Variants in ZSCAN30 observed in about 807,000 individuals in gnomAD.
The protein encoded by ZSCAN30 is zinc finger and SCAN domain containing 30.
ZSCAN30 carries 37 observed loss-of-function variants against 44.3 expected under a neutral mutation model. The ratio of observed to expected loss-of-function variants is 0.84; its 90% CI spans 0.64 to 1.10. The LOEUF is 1.10. Among genes scored for constraint, ZSCAN30 ranks in the 50% least tolerant of loss-of-function variants. The pLI is 0.00. For missense variants in ZSCAN30, 549 were observed against 582.6 expected, an observed-to-expected ratio of 0.94 and a Z score of 0.59; for synonymous variants, 181 against 204.6, an observed-to-expected ratio of 0.88 and a Z score of 0.98.
intron 1 of ZSCAN30, chr18:35,289,342 T>A (rs1488606567): frequency 2.6e-5 from 4 of 152,146 alleles, no homozygotes; most frequent in Admixed American, 1.3e-4. Flanking sequence ...AGTTCCCACA[T>A]CTCTTTCCTC....
At chr18:35,280,061 A>G (rs1489631398) in intron 1 of ZSCAN30, among the ~76,000 whole-genome samples, 2 of 152,112 alleles carry the variant, frequency 1.3e-5, no homozygotes, top group Non-Finnish European at 2.9e-5. Context: ...AGACTGATTG[A>G]GCCCAGGAGT....
In ZSCAN30 at chr18:35,272,965, T is replaced by C. The variant is rs1157415047; in HGVS notation, c.-103-8510A>G. Among the ~76,000 whole-genome samples, 3 of 152,178 alleles carry C rather than the reference T, an allele frequency of 2.0e-5. No individual in the cohort carries two copies. In the South Asian group the frequency reaches 6.2e-4, roughly 31 times the overall value. On this transcript the variant is annotated intron_variant, in intron 1 of 3. Transcript: ENST00000333206. ...CTTATTCACTTCCACGAGAACAGTA[T>C]GAGGGAAACCACCCCCATGATTTAA... is the stretch of plus-strand genomic sequence containing the variant.
At chr18:35,255,100 T>C (rs1201683568) in intron 3 of ZSCAN30, 9 of 151,830 alleles carry the variant, frequency 5.9e-5, no homozygotes, top group Admixed American at 5.9e-4. Context: ...AATGTATAAG[T>C]ATCAAAGAAG....
intron 1 of ZSCAN30, chr18:35,289,686 A>G (rs994086178): frequency 2.6e-5 from 4 of 152,098 alleles, no homozygotes; most frequent in African/African-American, 9.7e-5. Flanking sequence ...CCTTAAATAG[A>G]CCTCGTACCC....
At chr18:35,285,985 A>C (rs1598658963) in intron 1 of ZSCAN30, among the ~76,000 whole-genome samples, 1 of 152,306 alleles carries the variant, frequency 6.6e-6, no homozygotes, top group South Asian at 2.1e-4. Context: ...GAAGATACAA[A>C]TTACTAATAG....
At chr18:35,285,995 G>A (rs2044542823) in intron 1 of ZSCAN30, among the ~76,000 whole-genome samples, 1 of 152,086 alleles carries the variant, frequency 6.6e-6, no homozygotes, top group South Asian at 2.1e-4. Flanking sequence ...ATTACTAATA[G>A]CAAGAATGAA....
Position 35,264,011 on chromosome 18 carries a change from C to G in ZSCAN30, c.342G>C (p.Glu114Asp). Residue 114 changes from glutamate (E) to aspartate (D), a missense_variant, in exon 2 of 4, where the codon GAG (glutamate) becomes GAC (aspartate). Glu to Asp is a conservative substitution (Grantham distance 45, BLOSUM62 2). Transcript: ENST00000333206. Reference sequence around the variant, plus strand: ...GCATAGTCACAGCTTCCTCTCCATTCTCTGGCCGATGCTCTCGCAGCCAAG... The same window carrying G: ...GCATAGTCACAGCTTCCTCTCCATTGTCTGGCCGATGCTCTCGCAGCCAAG... ...LQAWLREHRP[E>D]NGEEAVTMLE... The G allele has an allele frequency of 6.2e-7, 1 of 1,614,244 alleles. No homozygotes were observed. Among genetic ancestry groups the G allele is most frequent in the Non-Finnish European group, 8.5e-7 (1 of 1,180,048 alleles).
At chr18:35,268,600 C>T (rs1206034304) in intron 1 of ZSCAN30, 1 of 152,144 alleles carries the variant, frequency 6.6e-6, no homozygotes, top group African/African-American at 2.4e-5. Context: ...AACACTGTTG[C>T]TTTGCTGCAG....
intron 3 of ZSCAN30, chr18:35,259,062 C>A (rs1293951873): frequency 6.5e-6 from 1 of 153,382 alleles, no homozygotes; most frequent in Non-Finnish European, 1.5e-5. Context: ...GTTTCCACAA[C>A]AAAATACCAC....
In ZSCAN30 at chr18:35,253,712, G is replaced by A. The variant is rs200472726; in HGVS notation, c.1223C>T (p.Thr408Ile). The change falls in exon 4 of 4, where the codon ACT becomes ATT. Residue 408 changes from threonine to isoleucine, a missense_variant. Coordinates refer to ENST00000333206, the MANE Select transcript of ZSCAN30 (RefSeq NM_001112734.4). ...SALIQHKKIH[T>I]GDKSYECIAC... ...AATACATTCATAGCTTTTATCTCCA[G>A]TGTGAATTTTCTTATGCTGAATAAG... is the stretch of plus-strand genomic sequence containing the variant. 6.2e-7 allele frequency: 1 copy of A among 1,614,090 alleles called. No individual in the cohort carries two copies. Among genetic ancestry groups the A allele is most frequent in the South Asian group, 1.1e-5 (1 of 91,084 alleles).
chr18:35,264,170 G>T lies in ZSCAN30; in HGVS notation c.183C>A (p.Gly61=), dbSNP rs1170690119. ...GCAGCCGGCTCAGAGCCTCCCGAGG[G>T]CCAGTGGAGTCAGAGTAACTAAACT... is the stretch of plus-strand genomic sequence containing the variant. ...FRQFSYSDST[G]PREALSRLRE... is the part of the protein sequence containing the mutation. Residue 61 remains glycine, a synonymous_variant, in exon 2 of 4, where the codon GGC becomes GGA. Coordinates refer to ENST00000333206, the MANE Select transcript of ZSCAN30 (RefSeq NM_001112734.4). 1 of 1,614,134 alleles carries T rather than the reference G, an allele frequency of 6.2e-7. No individual in the cohort carries two copies. Among genetic ancestry groups the T allele is most frequent in the Non-Finnish European group, 8.5e-7 (1 of 1,180,046 alleles).
intron 1 of ZSCAN30, among the ~76,000 whole-genome samples, chr18:35,276,272 G>C (rs1462498275): frequency 2.0e-5 from 3 of 151,318 alleles, no homozygotes; most frequent in African/African-American, 7.3e-5. Flanking sequence ...AAGCCCTTGG[G>C]GCCTGGGCTT....
chr18:35,270,963 G>T (rs939222636), intron 1 of ZSCAN30, among the ~76,000 whole-genome samples: 1 of 152,148 alleles, frequency 6.6e-6, no homozygotes, highest in Non-Finnish European at 1.5e-5. Flanking sequence ...TTAAGGTGGT[G>T]CATCTGGAGT....
chr18:35,272,267 T>C (rs1271562464), intron 1 of ZSCAN30, among the ~76,000 whole-genome samples: 2 of 152,154 alleles, frequency 1.3e-5, no homozygotes, highest in African/African-American at 4.8e-5. Flanking sequence ...TGACCTCAAA[T>C]GATCCACCTG....
chr18:35,287,875 CT>C lies in ZSCAN30; in HGVS notation c.-104+2208del, dbSNP rs61171547. ...GCAAAGCATATATCTTCTTCCTCTT[CT>C]TTTTTTTTTTTTTTGCAACAGGGTC... On this transcript the variant is annotated intron_variant, in intron 1 of 3. Transcript: ENST00000333206. 4.9e-3 allele frequency among the ~76,000 whole-genome samples: 690 copies of C among 140,954 alleles called. 5 individuals are homozygous for C. Among genetic ancestry groups the C allele is most frequent in the African/African-American group, 9.8e-3 (376 of 38,368 alleles). 92.5% of individuals were successfully genotyped at this position (140,954 alleles called of 152,430 possible).
At chr18:35,258,077 C>A (rs2043901595) in intron 3 of ZSCAN30, 2 of 754,556 alleles carry the variant, frequency 2.7e-6, no homozygotes, top group Non-Finnish European at 4.9e-6. Flanking sequence ...GTGACTCTTA[C>A]AATCATATCA....
At chr18:35,281,000 T>G (rs889489180) in intron 1 of ZSCAN30, 4 of 152,268 alleles carry the variant, frequency 2.6e-5, no homozygotes, top group African/African-American at 9.6e-5. Context: ...GGTCTTTATG[T>G]TCATTTATCT....
intron 1 of ZSCAN30, among the ~76,000 whole-genome samples, chr18:35,280,181 TGGGA>T (rs1569083081): frequency 6.7e-6 from 1 of 148,638 alleles, no homozygotes; most frequent in African/African-American, 2.5e-5. Context: ...AAGGTTGAGG[TGGGA>T]GGATCACTTA....
chr18:35,289,934 G>T (rs1414769238), intron 1 of ZSCAN30, 150 bp downstream of exon 1: 1 of 152,174 alleles, frequency 6.6e-6, no homozygotes, highest in Non-Finnish European at 1.5e-5. Context: ...TCTGATGCGC[G>T]CTACTCTTCT....
Sources: gnomAD v4.1 joint callset for allele counts (sites outside exome capture counted in the v4.1 genomes callset) on GRCh38, gnomAD v4.1.1 for gene constraint, MANE v1.5 for transcripts, NCBI Gene and HGNC (gene_info 2026-07-23, HGNC 2026-07-21) for gene names.